LARS2: variants seen among roughly 807,000 people sequenced by gnomAD.
LARS2 encodes leucyl-tRNA synthetase 2, mitochondrial.
A neutral mutation model predicts 116.6 loss-of-function variants in LARS2; 81 were observed. The ratio of observed to expected loss-of-function variants is 0.69; its 90% CI spans 0.58 to 0.84. LARS2 has a LOEUF of 0.84. Ranked by LOEUF, LARS2 falls within the 40% of genes least tolerant of loss-of-function variation. LARS2 has a pLI of 0.00. For missense variants in LARS2, 968 were observed against 1,114.5 expected, an observed-to-expected ratio of 0.87 and a Z score of 1.87; for synonymous variants, 396 against 407.2, an observed-to-expected ratio of 0.97 and a Z score of 0.33.
At chr3:45,531,487 C>T (rs2624665) in intron 20 of LARS2, among the ~76,000 whole-genome samples, 78,329 of 151,730 alleles carry the variant, frequency 0.52, 24,124 homozygotes, top group East Asian at 0.78. Context: ...AAGCAGACCT[C>T]GTGCCTCAGC....
rs187819067 is a variant in LARS2 at position 45,530,722 on chromosome 3, C to G, written c.2404+6614C>G. On this transcript the variant is annotated intron_variant, in intron 20 of 21. Coordinates refer to ENST00000645846, the MANE Select transcript of LARS2 (RefSeq NM_015340.4). Reference sequence around the variant, plus strand: ...TTATTTTCCTAAGAAGTTATTCCATCTTCCACTCTAGGATCTGTTTTTGAA... The same window carrying G: ...TTATTTTCCTAAGAAGTTATTCCATGTTCCACTCTAGGATCTGTTTTTGAA... Among the ~76,000 whole-genome samples the G allele has an allele frequency of 2.9e-3, 436 of 152,308 alleles. 3 individuals are homozygous for G. Among genetic ancestry groups the G allele is most frequent in the African/African-American group, 9.9e-3 (411 of 41,560 alleles).
intron 6 of LARS2, among the ~76,000 whole-genome samples, chr3:45,441,971 G>A (rs4311249): frequency 0.46 from 69,794 of 152,046 alleles, 18,997 homozygotes; most frequent in East Asian, 0.69. Flanking sequence ...TCCCAGATTC[G>A]TAAATTTGGT....
Position 45,518,030 on chromosome 3 carries a change from G to A in LARS2, c.2172G>A (p.Glu724=), listed in dbSNP as rs578197079. The change falls in exon 18 of 22, where the codon GAG becomes GAA. Residue 724 remains glutamate, a synonymous_variant. Coordinates refer to ENST00000645846, the MANE Select transcript of LARS2 (RefSeq NM_015340.4). ...TGCTGAGTAACAAGGAGAAAGCTGAGGCCAGGAAGCTCTGGGAGTACAAGA... is the reference window on the plus strand; with the variant it reads ...TGCTGAGTAACAAGGAGAAAGCTGAAGCCAGGAAGCTCTGGGAGTACAAGA... ...PQLLSNKEKA[E]ARKLWEYKNS... 1 of 1,613,764 alleles carries A rather than the reference G, an allele frequency of 6.2e-7. No individual in the cohort carries two copies.
intron 20 of LARS2, among the ~76,000 whole-genome samples, chr3:45,533,452 T>C (rs563506435): frequency 2.4e-3 from 369 of 152,262 alleles, no homozygotes; most frequent in Admixed American, 4.1e-3. Context: ...GGCCCCACAT[T>C]AAGTCTTTTA....
intron 7 of LARS2, among the ~76,000 whole-genome samples, chr3:45,452,912 C>T (rs1408181071): frequency 3.3e-5 from 5 of 152,084 alleles, no homozygotes; most frequent in African/African-American, 1.2e-4. Flanking sequence ...TGTGTGTGTC[C>T]AGGAATTCAT....
In LARS2 at chr3:45,515,452, C is replaced by A. The variant is rs1197224903; in HGVS notation, c.1862-642C>A. On this transcript the variant is annotated intron_variant, in intron 16 of 21. Transcript: ENST00000645846. ...AGCCTTGCCAGGTGCTCTTACTAGT[C>A]CTCTCCAGTAGGGCTTGGCAACAAG... Among the ~76,000 whole-genome samples, 3 of 152,282 alleles carry A rather than the reference C, an allele frequency of 2.0e-5. No homozygotes were observed. The East Asian group carries it at 5.8e-4, about 29-fold the overall frequency.
rs3733117 is a variant in LARS2, at chr3:45,476,307, T to C, written c.859-161T>C. On this transcript the variant is annotated intron_variant, in intron 9 of 21. Coordinates refer to ENST00000645846, the MANE Select transcript of LARS2 (RefSeq NM_015340.4). ...AGGAACTGTGATCCTCTTCTCAGCT[T>C]CTTCCAGGCACCATCTCAATCCCCA... Among the ~76,000 whole-genome samples the C allele has an allele frequency of 0.8, 121,658 of 152,008 alleles. 52,836 individuals carry two copies. Among genetic ancestry groups the C allele is most frequent in the East Asian group, 0.98 (5,041 of 5,164 alleles).
At chr3:45,420,379 T>TG (rs1462245720) in intron 6 of LARS2, among the ~76,000 whole-genome samples, 1 of 152,218 alleles carries the variant, frequency 6.6e-6, no homozygotes, top group Non-Finnish European at 1.5e-5. Flanking sequence ...GATGGACTGT[T>TG]GCTTGTCTCC....
chr3:45,521,579 A>T (rs1444339274), intron 19 of LARS2, among the ~76,000 whole-genome samples: 1 of 152,220 alleles, frequency 6.6e-6, no homozygotes, highest in African/African-American at 2.4e-5. Context: ...CAGAAGGTTA[A>T]TATCCTTGTA....
At chr3:45,424,821 G>T (rs1698569050) in intron 6 of LARS2, among the ~76,000 whole-genome samples, 1 of 152,114 alleles carries the variant, frequency 6.6e-6, no homozygotes, top group Non-Finnish European at 1.5e-5. Context: ...TTTCATAGGA[G>T]CCCTTTCTCA....
intron 4 of LARS2, among the ~76,000 whole-genome samples, chr3:45,409,339 T>TAACA (rs938398979): frequency 3.3e-4 from 50 of 152,218 alleles, no homozygotes; most frequent in Admixed American, 5.2e-4. Context: ...TTCTAAAACC[T>TAACA]AACAGGAGAG....
intron 19 of LARS2, among the ~76,000 whole-genome samples, chr3:45,523,440 C>A (rs1324432319): frequency 6.6e-6 from 1 of 152,102 alleles, no homozygotes; most frequent in Non-Finnish European, 1.5e-5. Flanking sequence ...TTAGCTGCTT[C>A]ATCTGTCCAA....
At position 45,394,508 on chromosome 3, in the gene LARS2, C is replaced by G. The variant is rs765588082; in HGVS notation, c.55C>G (p.Leu19Val). 11 of 1,614,122 alleles carry G rather than the reference C, an allele frequency of 6.8e-6. No homozygotes were observed. Among genetic ancestry groups the G allele is most frequent in the South Asian group, 1.1e-5 (1 of 91,076 alleles). ...TTATGCCTCTCTTCTGAAAAGACAG[C>G]TAAATGGTGGGCCAGATGTCATCAA... ...GFYASLLKRQ[L>V]NGGPDVIKWE... The change falls in exon 3 of 22, where the codon CTA (leucine) becomes GTA (valine). Residue 19 changes from leucine (L) to valine (V), a missense_variant. Transcript: ENST00000645846.
intron 2 of LARS2, among the ~76,000 whole-genome samples, chr3:45,392,267 G>A (rs1697966920): frequency 6.6e-6 from 1 of 151,512 alleles, no homozygotes; most frequent in South Asian, 2.1e-4. Context: ...CTTTAAAATA[G>A]CCAAGCCCAA....
intron 20 of LARS2, among the ~76,000 whole-genome samples, chr3:45,536,180 G>A (rs963363025): frequency 6.6e-6 from 1 of 152,114 alleles, no homozygotes; most frequent in African/African-American, 2.4e-5. Context: ...TGAGTGCAGT[G>A]GCATGATCAC....
intron 1 of LARS2, among the ~76,000 whole-genome samples, chr3:45,390,092 C>T (rs1022674175): frequency 2.6e-5 from 4 of 151,688 alleles, no homozygotes; most frequent in Admixed American, 2.6e-4. Context: ...CCCCACCCCC[C>T]AAAAAAAGGT....
At chr3:45,392,417 C>G (rs1014598407) in intron 2 of LARS2, among the ~76,000 whole-genome samples, 1 of 151,638 alleles carries the variant, frequency 6.6e-6, no homozygotes, top group Non-Finnish European at 1.5e-5. Context: ...GCCTCAGCCA[C>G]CCTAGTAGCT....
At chr3:45,524,182 C>T (rs938640558) in intron 20 of LARS2, 74 bp downstream of exon 20, 14 of 987,470 alleles carry the variant, frequency 1.4e-5, no homozygotes, top group South Asian at 2.7e-5. Context: ...GAACATCATT[C>T]GGGACTCAGA....
intron 14 of LARS2, among the ~76,000 whole-genome samples, chr3:45,499,434 TC>T (rs1575295254): frequency 6.6e-6 from 1 of 151,528 alleles, no homozygotes; most frequent in East Asian, 1.9e-4. Flanking sequence ...AGAGCGAGAC[TC>T]CGTCTCAAAA....
Sources: allele counts gnomAD v4.1 joint callset (sites outside exome capture counted in the v4.1 genomes callset), GRCh38; gene constraint gnomAD v4.1.1; transcripts MANE v1.5; gene names NCBI Gene and HGNC (gene_info 2026-07-23, HGNC 2026-07-21).